CLOCK: variants seen among roughly 807,000 people sequenced by gnomAD.
The protein encoded by CLOCK is clock circadian regulator, also known as circadian locomoter output cycles protein kaput.
A neutral mutation model predicts 118.4 loss-of-function variants in CLOCK; 43 were observed. The ratio of observed to expected loss-of-function variants is 0.36; its 90% CI spans 0.28 to 0.47. The LOEUF (loss-of-function observed/expected upper bound fraction) is 0.47. CLOCK is among the 20% of genes least tolerant of loss of function. The pLI, the probability that CLOCK is intolerant of heterozygous loss-of-function variation, is 1.00. For synonymous variants in CLOCK, 326 were observed against 339.2 expected, an observed-to-expected ratio of 0.96 and a Z score of 0.43; for missense variants, 846 against 999.9, an observed-to-expected ratio of 0.85 and a Z score of 2.08.
At chr4:55,522,995 A>C (rs2110066753) in intron 1 of CLOCK, among the ~76,000 whole-genome samples, 1 of 152,314 alleles carries the variant, frequency 6.6e-6, no homozygotes, top group East Asian at 1.9e-4. Context: ...TGTATTGTTT[A>C]GCATAAGACA....
At position 55,430,228 on chromosome 4, in the gene CLOCK, G is replaced by T. The variant is rs1177208553; in HGVS notation, c.*5187C>A. On this transcript the variant is annotated 3_prime_UTR_variant, in exon 23 of 23. Coordinates refer to ENST00000513440, the MANE Select transcript of CLOCK (RefSeq NM_004898.4). ...CTCAGTGTTTGCTGGTGGTGGTGAT[G>T]GAATTTCACTTAGTTGTCTCTCCAT... 6.6e-6 allele frequency: 1 copy of T among 151,824 alleles called. No homozygotes were observed. Among genetic ancestry groups the T allele is most frequent in the Admixed American group, 6.6e-5 (1 of 15,220 alleles). 9.4% of individuals were successfully genotyped at this position (151,824 alleles called of 1,614,324 possible).
At chr4:55,448,583 TGCGCGC>T (rs1016031959) in intron 18 of CLOCK, among the ~76,000 whole-genome samples, 190 bp downstream of exon 18, 1 of 106,000 alleles carries the variant, frequency 9.4e-6, no homozygotes, top group Non-Finnish European at 2.0e-5. Flanking sequence ...ATTATATATG[TGCGCGC>T]GCGCACGCGC....
intron 9 of CLOCK, among the ~76,000 whole-genome samples, chr4:55,459,768 G>GCC (rs1725194798): frequency 6.6e-6 from 1 of 151,892 alleles, no homozygotes; most frequent in Non-Finnish European, 1.5e-5. Context: ...GCTCAAGTGA[G>GCC]CCCCCTGCCT....
intron 1 of CLOCK, among the ~76,000 whole-genome samples, chr4:55,524,456 ATGAC>A (rs142615703): frequency 0.013 from 2,037 of 152,268 alleles, 38 homozygotes; most frequent in African/African-American, 0.047. Context: ...TACCTATTAA[ATGAC>A]TGACTAGACA....
chr4:55,498,693 A>T (rs897901014), intron 2 of CLOCK, among the ~76,000 whole-genome samples: 1 of 152,062 alleles, frequency 6.6e-6, no homozygotes, highest in African/African-American at 2.4e-5. Flanking sequence ...GGCCAAGACC[A>T]TATCTCAATC....
chr4:55,525,658 CG>C (rs1730132780), intron 1 of CLOCK, among the ~76,000 whole-genome samples: 1 of 151,832 alleles, frequency 6.6e-6, no homozygotes, highest in African/African-American at 2.4e-5. Context: ...TTAGTAGACA[CG>C]GGGTTTCACC....
At chr4:55,525,199 A>G (rs991193672) in intron 1 of CLOCK, among the ~76,000 whole-genome samples, 9 of 152,234 alleles carry the variant, frequency 5.9e-5, no homozygotes, top group African/African-American at 2.2e-4. Context: ...TTGGCTGTGC[A>G]CAGTGGTTCA....
At chr4:55,502,018 T>C (rs1176763654) in intron 2 of CLOCK, among the ~76,000 whole-genome samples, 5 of 152,154 alleles carry the variant, frequency 3.3e-5, no homozygotes, top group Non-Finnish European at 1.5e-5. Context: ...AAAAGACATA[T>C]AAGACCTGTT....
At chr4:55,462,450 C>T (rs1725412470) in intron 9 of CLOCK, among the ~76,000 whole-genome samples, 1 of 152,110 alleles carries the variant, frequency 6.6e-6, no homozygotes, top group African/African-American at 2.4e-5. Context: ...CCATGCTCAG[C>T]TAATTTTTGG....
At chr4:55,520,123 A>G (rs977936121) in intron 1 of CLOCK, among the ~76,000 whole-genome samples, 48 of 152,342 alleles carry the variant, frequency 3.2e-4, no homozygotes, top group African/African-American at 1.1e-3. Flanking sequence ...AGATTCTGTT[A>G]TCCTATAAAA....
At chr4:55,439,651 GT>G (rs111772921) in intron 21 of CLOCK, among the ~76,000 whole-genome samples, 3 of 152,250 alleles carry the variant, frequency 2.0e-5, no homozygotes, top group African/African-American at 7.2e-5. Flanking sequence ...GCAAAACATA[GT>G]AGAGTAGAAT....
At position 55,443,915 on chromosome 4, in the gene CLOCK, T is replaced by C. The variant is rs375948322; in HGVS notation, c.1693-19A>G. 15 of 1,602,262 alleles carry C rather than the reference T, an allele frequency of 9.4e-6. No individual in the cohort carries two copies. In the African/African-American group the frequency reaches 1.3e-4, roughly 14 times the overall value. The stretch of plus-strand genomic sequence containing the variant: ...AAAACATCTTTAAAAATAAAGATTA[T>C]GTTAAAATGAGCTTTGTAGATTGAA... On this transcript the variant is annotated intron_variant, in intron 19 of 22. Coordinates refer to ENST00000513440, the MANE Select transcript of CLOCK (RefSeq NM_004898.4).
chr4:55,461,038 T>A (rs1725305223), intron 9 of CLOCK, among the ~76,000 whole-genome samples: 1 of 151,676 alleles, frequency 6.6e-6, no homozygotes, highest in South Asian at 2.1e-4. Context: ...ATCCTCCAGC[T>A]CAGCCTCGAG....
At position 55,448,767 on chromosome 4, in the gene CLOCK, A is replaced by G. The variant is rs754407050; in HGVS notation, c.1539+12T>C. On this transcript the variant is annotated intron_variant, in intron 18 of 22. Coordinates refer to ENST00000513440, the MANE Select transcript of CLOCK (RefSeq NM_004898.4). ...ATTCAAATACGCAACTGAAACAAAA[A>G]CCAAAAAGTACCTGGGACATGCCTT... is the stretch of plus-strand genomic sequence containing the variant. 1.9e-6 allele frequency: 3 copies of G among 1,610,800 alleles called. No individual in the cohort carries two copies. The East Asian group carries it at 6.7e-5, about 36-fold the overall frequency.
chr4:55,512,779 T>C (rs546427957), intron 1 of CLOCK, among the ~76,000 whole-genome samples: 1 of 152,290 alleles, frequency 6.6e-6, no homozygotes, highest in East Asian at 1.9e-4. Context: ...TTTTTGCACA[T>C]AGACAGTTGC....
At chr4:55,465,346 C>G (rs1014395481) in intron 8 of CLOCK, among the ~76,000 whole-genome samples, 3 of 152,144 alleles carry the variant, frequency 2.0e-5, no homozygotes, top group East Asian at 3.8e-4. Flanking sequence ...ATTTTGGTAT[C>G]TGCAGCGGGT....
At chr4:55,440,528 G>C (rs1161620466) in intron 21 of CLOCK, among the ~76,000 whole-genome samples, 1 of 152,086 alleles carries the variant, frequency 6.6e-6, no homozygotes, top group African/African-American at 2.4e-5. Context: ...ATTACACTTA[G>C]TACAGATCTT....
At chr4:55,507,202 C>T (rs1024070401) in intron 2 of CLOCK, among the ~76,000 whole-genome samples, 4 of 152,060 alleles carry the variant, frequency 2.6e-5, no homozygotes, top group African/African-American at 9.7e-5. Flanking sequence ...ATAGTCTCAG[C>T]TACTCAGGAG....
At chr4:55,475,550 G>T (rs1286202684) in intron 7 of CLOCK, among the ~76,000 whole-genome samples, 1 of 152,146 alleles carries the variant, frequency 6.6e-6, no homozygotes, top group African/African-American at 2.4e-5. Flanking sequence ...AAGGAAGAGT[G>T]AATCAGTGTG....
Sources: gnomAD v4.1 joint callset for allele counts (sites outside exome capture counted in the v4.1 genomes callset) on GRCh38, gnomAD v4.1.1 for gene constraint, MANE v1.5 for transcripts, NCBI Gene and HGNC (gene_info 2026-07-23, HGNC 2026-07-21) for gene names.